INPP5A: variants seen among roughly 807,000 people sequenced by gnomAD.
INPP5A encodes the protein 43 kDa inositol polyphosphate 5-phophatase.
A neutral mutation model predicts 65.2 loss-of-function variants in INPP5A; 14 were observed. That is an observed-to-expected ratio of 0.21 (90% CI 0.14 to 0.34). The LOEUF (loss-of-function observed/expected upper bound fraction) is 0.34. Among genes scored for constraint, INPP5A ranks in the 10% least tolerant of loss-of-function variants. The probability of loss-of-function intolerance (pLI) is 1.00; values close to 1 mark genes in which losing one functional copy is unlikely to be tolerated. For synonymous variants in INPP5A, 207 were observed against 208.3 expected, an observed-to-expected ratio of 0.99 and a Z score of 0.05; for missense variants, 431 against 545.6, an observed-to-expected ratio of 0.79 and a Z score of 2.09.
chr10:132,723,400 C>A (rs149510977), intron 8 of INPP5A, among the ~76,000 whole-genome samples: 1,961 of 152,230 alleles, frequency 0.013, 23 homozygotes, highest in Non-Finnish European at 0.022. Flanking sequence ...CTGACGGCCG[C>A]GTCTGTTCCT....
chr10:132,600,220 A>G (rs528591613), intron 1 of INPP5A, among the ~76,000 whole-genome samples: 38 of 152,348 alleles, frequency 2.5e-4, no homozygotes, highest in African/African-American at 9.1e-4. Context: ...AGAAAACTGA[A>G]TGCCTTTAAC....
chr10:132,651,843 A>G lies in INPP5A; in HGVS notation c.306+1338A>G, dbSNP rs2072580921. 6.6e-6 allele frequency among the ~76,000 whole-genome samples: 1 copy of G among 152,190 alleles called. No homozygotes were observed. Among genetic ancestry groups the G allele is most frequent in the Admixed American group, 6.5e-5 (1 of 15,286 alleles). ...GGTCCCCACCAGTAGTGGAGTCTGT[A>G]CAATCCCGGGAATCCCCCGTTCGGT... On this transcript the variant is annotated intron_variant, in intron 4 of 15. Coordinates refer to ENST00000368594, the MANE Select transcript of INPP5A (RefSeq NM_005539.5). This position sits in a 1 kb window ranked among gnomAD's most constrained non-coding sequence, Gnocchi z 5.0.
chr10:132,556,524 G>A (rs534917388), intron 1 of INPP5A, among the ~76,000 whole-genome samples: 2 of 152,160 alleles, frequency 1.3e-5, no homozygotes, highest in East Asian at 3.9e-4. Flanking sequence ...CACTACACAG[G>A]TGCATATGTA....
chr10:132,712,740 G>T (rs111210370), intron 8 of INPP5A, among the ~76,000 whole-genome samples: 2,555 of 151,940 alleles, frequency 0.017, 78 homozygotes, highest in African/African-American at 0.057. Context: ...GTGTAGGTGT[G>T]TGTGTAGGTG....
chr10:132,729,295 T>G (rs150321348), intron 9 of INPP5A, among the ~76,000 whole-genome samples: 104 of 152,348 alleles, frequency 6.8e-4, no homozygotes, highest in Admixed American at 2.3e-3. Flanking sequence ...TCACCTGGCC[T>G]GCTCCCCTGG....
chr10:132,735,487 G>A (rs1206041593), intron 9 of INPP5A, among the ~76,000 whole-genome samples: 1 of 152,238 alleles, frequency 6.6e-6, no homozygotes, highest in Admixed American at 6.5e-5. Context: ...CTGGGGCGGT[G>A]TTGGTACGAA....
At position 132,616,971 on chromosome 10, in the gene INPP5A, G is replaced by A. The variant is rs954432958; in HGVS notation, c.117+9015G>A. Among the ~76,000 whole-genome samples, 8 of 152,110 alleles carry A rather than the reference G, an allele frequency of 5.3e-5. No individual in the cohort carries two copies. Among genetic ancestry groups the A allele is most frequent in the Admixed American group, 5.2e-4 (8 of 15,282 alleles). On this transcript the variant is annotated intron_variant, in intron 2 of 15. Coordinates refer to ENST00000368594, the MANE Select transcript of INPP5A (RefSeq NM_005539.5). This position sits in a 1 kb window ranked among gnomAD's most constrained non-coding sequence, Gnocchi z 4.9. ...GAGAGGCCGCCTGAGGTCCTTCGAAGCAGCCTGGGTCTGTCTGCTCCCTGG... is the reference window on the plus strand; with the variant it reads ...GAGAGGCCGCCTGAGGTCCTTCGAAACAGCCTGGGTCTGTCTGCTCCCTGG...
At chr10:132,573,373 G>A (rs1426148994) in intron 1 of INPP5A, among the ~76,000 whole-genome samples, 2 of 133,082 alleles carry the variant, frequency 1.5e-5, no homozygotes, top group East Asian at 5.0e-4. Flanking sequence ...TGTGTGTGCC[G>A]TGTGAGGTTT....
At chr10:132,642,712 C>A (rs535265276) in intron 2 of INPP5A, among the ~76,000 whole-genome samples, 3 of 152,150 alleles carry the variant, frequency 2.0e-5, no homozygotes, top group Non-Finnish European at 4.4e-5. Context: ...CAAGCTGTCC[C>A]GCTTTAAATT....
intron 6 of INPP5A, 59 bp from the exon 7 acceptor site, chr10:132,708,254 C>T: frequency 6.8e-7 from 1 of 1,478,004 alleles, no homozygotes; most frequent in Non-Finnish European, 9.5e-7. Context: ...TGTGTGGGAC[C>T]CACGTGTTGC....
chr10:132,607,996 T>C (rs1470204596), intron 2 of INPP5A, 40 bp downstream of exon 2: 2 of 1,594,314 alleles, frequency 1.3e-6, no homozygotes, highest in South Asian at 2.2e-5. Flanking sequence ...ATTCATTACT[T>C]AGCCAATAAG....
chr10:132,566,623 G>A (rs774673495), intron 1 of INPP5A, among the ~76,000 whole-genome samples: 17 of 152,214 alleles, frequency 1.1e-4, no homozygotes, highest in Non-Finnish European at 2.9e-5. Context: ...AACCTTGTTA[G>A]GTTATCTCGA....
At chr10:132,677,562 C>T (rs1233381129) in intron 4 of INPP5A, among the ~76,000 whole-genome samples, 1 of 152,232 alleles carries the variant, frequency 6.6e-6, no homozygotes, top group African/African-American at 2.4e-5. Flanking sequence ...GTCACCTTGC[C>T]GCCCTCAGAT....
intron 12 of INPP5A, among the ~76,000 whole-genome samples, chr10:132,770,750 T>C (rs1846934171): frequency 6.6e-6 from 1 of 152,262 alleles, no homozygotes; most frequent in Admixed American, 6.5e-5. Context: ...AAAGTACCCA[T>C]GCACGGGGAG....
chr10:132,636,544 G>A (rs1398119698), intron 2 of INPP5A, among the ~76,000 whole-genome samples: 3 of 152,230 alleles, frequency 2.0e-5, no homozygotes, highest in Non-Finnish European at 4.4e-5. Flanking sequence ...CCAGCCTGCT[G>A]CACGCCTTTG....
At chr10:132,591,359 C>T (rs772588732) in intron 1 of INPP5A, among the ~76,000 whole-genome samples, 3 of 123,762 alleles carry the variant, frequency 2.4e-5, no homozygotes, top group South Asian at 2.8e-4. Context: ...TTGGGCTGGG[C>T]GGGGCGGGCC....
chr10:132,635,111 C>T (rs1188923183), intron 2 of INPP5A, among the ~76,000 whole-genome samples: 7 of 152,170 alleles, frequency 4.6e-5, no homozygotes, highest in Non-Finnish European at 7.4e-5. Flanking sequence ...AAATGTGATT[C>T]GTGCTGTCAA....
At chr10:132,701,259 C>G (rs1006690671) in intron 6 of INPP5A, among the ~76,000 whole-genome samples, 1 of 152,202 alleles carries the variant, frequency 6.6e-6, no homozygotes, top group African/African-American at 2.4e-5. Context: ...CCCCCACCCC[C>G]ACGGGATGTG....
intron 9 of INPP5A, among the ~76,000 whole-genome samples, chr10:132,746,114 C>A (rs1434522739): frequency 6.6e-6 from 1 of 152,198 alleles, no homozygotes; most frequent in Non-Finnish European, 1.5e-5. Context: ...GGCTGTGTGT[C>A]CACTTGGCCC....
Sources: allele counts gnomAD v4.1 joint callset (sites outside exome capture counted in the v4.1 genomes callset), GRCh38; gene constraint gnomAD v4.1.1; non-coding constraint Gnocchi (gnomAD v3.1); transcripts MANE v1.5; gene names NCBI Gene and HGNC (gene_info 2026-07-23, HGNC 2026-07-21).